Variants in PRKCQ observed in about 807,000 individuals in gnomAD.
PRKCQ encodes protein kinase C theta type.
Under a neutral mutation model 91.2 loss-of-function variants are expected in PRKCQ, and 41 were observed. The observed-to-expected ratio is 0.45, with a 90% CI of 0.35 to 0.58. The LOEUF (loss-of-function observed/expected upper bound fraction) is 0.58. Ranked by LOEUF, PRKCQ falls within the 20% of genes least tolerant of loss-of-function variation. The probability of loss-of-function intolerance (pLI) is 0.00; values close to 1 mark genes in which losing one functional copy is unlikely to be tolerated. For missense variants in PRKCQ, 673 were observed against 896.5 expected, an observed-to-expected ratio of 0.75 and a Z score of 3.18; for synonymous variants, 307 against 316.9, an observed-to-expected ratio of 0.97 and a Z score of 0.33.
chr10:6,534,596 T>C (rs944515231), intron 1 of PRKCQ, among the ~76,000 whole-genome samples: 4 of 151,910 alleles, frequency 2.6e-5, no homozygotes, highest in Non-Finnish European at 5.9e-5. Context: ...AGACTGTTCA[T>C]TGCAGCACAG....
At chr10:6,555,007 C>T (rs1840350722) in intron 1 of PRKCQ, among the ~76,000 whole-genome samples, 1 of 152,094 alleles carries the variant, frequency 6.6e-6, no homozygotes, top group South Asian at 2.1e-4. Flanking sequence ...AGGCTATGAT[C>T]CTAAGTGGTG....
At chr10:6,403,368 C>T in the PRKCQ span, among the ~76,000 whole-genome samples, 2 of 152,228 alleles carry the variant, frequency 1.3e-5, no homozygotes, top group African/African-American at 2.4e-5. Flanking sequence ...GAGAAAAGTG[C>T]TTCTGATGTT....
Position 6,507,505 on chromosome 10 carries a change from GAGA to G in PRKCQ, c.319-12_319-10del. 6.2e-7 allele frequency: 1 copy of G among 1,611,482 alleles called. No homozygotes were observed. ...TGAGGTTTCAGCTCTAACTGGTTGGGAGAAGGAGAGAAACATCAGTCAGAATGT... is the reference window on the plus strand; with the variant it reads ...TGAGGTTTCAGCTCTAACTGGTTGGGAGGAGAGAAACATCAGTCAGAATGT... On this transcript the variant is annotated splice_polypyrimidine_tract_variant and intron_variant, in intron 3 of 17. Coordinates refer to ENST00000263125, the MANE Select transcript of PRKCQ (RefSeq NM_006257.5).
At chr10:6,436,377 A>G (rs1351646541) in intron 16 of PRKCQ, among the ~76,000 whole-genome samples, 1 of 152,082 alleles carries the variant, frequency 6.6e-6, no homozygotes, top group African/African-American at 2.4e-5. Context: ...TCTTCACCCT[A>G]TTTCTCCCAA....
intron 15 of PRKCQ, among the ~76,000 whole-genome samples, chr10:6,449,534 C>T (rs1454986949): frequency 6.6e-6 from 1 of 151,954 alleles, no homozygotes; most frequent in Non-Finnish European, 1.5e-5. Flanking sequence ...GGAGAACTTC[C>T]CCAATCTAGC....
In PRKCQ at chr10:6,436,869, G is replaced by A. The variant is rs996777895; in HGVS notation, c.1836+5024C>T. 7.9e-5 allele frequency among the ~76,000 whole-genome samples: 12 copies of A among 152,118 alleles called. No individual in the cohort carries two copies. In the East Asian group the frequency reaches 1.7e-3, roughly 22 times the overall value. On this transcript the variant is annotated intron_variant, in intron 16 of 17. Coordinates refer to ENST00000263125, the MANE Select transcript of PRKCQ (RefSeq NM_006257.5). ...ATCATCACTTCCAACTTCTCTCCAC[G>A]GAATTACTTCTGGTTACCTCTGTCC...
the PRKCQ span, among the ~76,000 whole-genome samples, chr10:6,395,056 CTTTTTTTTTTT>C: frequency 3.0e-5 from 2 of 66,994 alleles, no homozygotes; most frequent in African/African-American, 6.1e-5. Flanking sequence ...AAGCTGGAGT[CTTTTTTTTTTT>C]TTTTTTTTTT....
intron 12 of PRKCQ, among the ~76,000 whole-genome samples, chr10:6,467,335 CAGAGAGAGAGAGAGAGAGAGACAG>C (rs1835716086): frequency 1.9e-5 from 2 of 103,308 alleles, no homozygotes; most frequent in African/African-American, 3.6e-5. Flanking sequence ...GAGAGACAGA[CAGAGAGAGAGAGAGAGAGAGACAG>C]AGAGAGAGAG....
intron 1 of PRKCQ, among the ~76,000 whole-genome samples, chr10:6,549,883 C>T (rs772463909): frequency 3.3e-5 from 5 of 152,212 alleles, no homozygotes; most frequent in South Asian, 2.1e-4. Flanking sequence ...CTGGCCACCT[C>T]GGCCTCCCAA....
intron 15 of PRKCQ, among the ~76,000 whole-genome samples, chr10:6,450,409 G>A (rs936068373): frequency 1.3e-5 from 2 of 152,042 alleles, no homozygotes; most frequent in Non-Finnish European, 2.9e-5. Flanking sequence ...ATCCAATACA[G>A]GAGCACCCAG....
At chr10:6,479,861 G>A (rs2130767808) in intron 11 of PRKCQ, among the ~76,000 whole-genome samples, 1 of 151,916 alleles carries the variant, frequency 6.6e-6, no homozygotes, top group South Asian at 2.1e-4. Context: ...GCTGAGGTGG[G>A]GAATTGCTTG....
At chr10:6,442,485 T>C (rs1322725943) in intron 15 of PRKCQ, among the ~76,000 whole-genome samples, 4 of 152,210 alleles carry the variant, frequency 2.6e-5, no homozygotes, top group Non-Finnish European at 4.4e-5. Context: ...TGCTGACTTG[T>C]ACTGTCCTGA....
intron 16 of PRKCQ, among the ~76,000 whole-genome samples, chr10:6,440,767 T>A (rs2132256332): frequency 1.3e-5 from 2 of 152,270 alleles, no homozygotes; most frequent in South Asian, 4.1e-4. Context: ...GGCGGGCAGA[T>A]CCCTTGAGGT....
intron 5 of PRKCQ, 150 bp downstream of exon 5, chr10:6,498,246 C>T (rs755015001): frequency 4.4e-5 from 44 of 1,001,986 alleles, no homozygotes; most frequent in Non-Finnish European, 6.1e-5. Context: ...ACCATTTGAA[C>T]CTTCTCAGTT....
chr10:6,462,428 C>A, intron 13 of PRKCQ, 63 bp from the exon 14 acceptor site: 2 of 1,471,038 alleles, frequency 1.4e-6, no homozygotes, highest in Non-Finnish European at 1.9e-6. Flanking sequence ...AAATCCCAAA[C>A]CCAGACTGAC....
rs1330825374 is a variant in PRKCQ at position 6,430,379 on chromosome 10, G to A, written c.1965+431C>T. 6.6e-6 allele frequency among the ~76,000 whole-genome samples: 1 copy of A among 152,160 alleles called. No homozygotes were observed. The highest frequency in any genetic ancestry group is 6.5e-5 in the Admixed American group (1 of 15,274). ...AATGTCGTTATATGAGCACTTTACA[G>A]ATACTTTAATAAACATCATGGAAAA... On this transcript the variant is annotated intron_variant, in intron 17 of 17. Coordinates refer to ENST00000263125, the MANE Select transcript of PRKCQ (RefSeq NM_006257.5). This position sits in a 1 kb window ranked among gnomAD's most constrained non-coding sequence, Gnocchi z 4.7.
At chr10:6,578,346 C>G (rs143099830) in intron 1 of PRKCQ, among the ~76,000 whole-genome samples, 2 of 152,312 alleles carry the variant, frequency 1.3e-5, no homozygotes, top group Non-Finnish European at 2.9e-5. Flanking sequence ...CAGCACAAGA[C>G]AGTAGCGGAA....
chr10:6,467,401 G>GAGACAGAGAGAGACAGAC (rs1835740206), intron 12 of PRKCQ, among the ~76,000 whole-genome samples: 1 of 97,590 alleles, frequency 1.0e-5, no homozygotes, highest in Non-Finnish European at 2.5e-5. Context: ...GAGAGAGAGA[G>GAGACAGAGAGAGACAGAC]AGAGAGAGAG....
At chr10:6,553,491 AAAAAAAAAAAAAAAAAAAAAAAAAAAC>A in intron 1 of PRKCQ, among the ~76,000 whole-genome samples, 2 of 21,224 alleles carry the variant, frequency 9.4e-5, no homozygotes, top group South Asian at 7.9e-3. Flanking sequence ...CCCTGTCTCA[AAAAAAAAAAAAAAAAAAAAAAAAAAAC>A]AAACAAACAA....
Sources: gnomAD v4.1 joint callset for allele counts (sites outside exome capture counted in the v4.1 genomes callset) on GRCh38, gnomAD v4.1.1 for gene constraint, Gnocchi (gnomAD v3.1) non-coding constraint, MANE v1.5 for transcripts, NCBI Gene and HGNC (gene_info 2026-07-23, HGNC 2026-07-21) for gene names.